The following GFRA1 variants were observed in gnomAD, a reference collection of about 807,000 sequenced individuals.
GFRA1 encodes GDNF family receptor alpha-1.
In GFRA1, 16 loss-of-function variants were observed where a neutral mutation model predicts 51.6. The ratio of observed to expected loss-of-function variants is 0.31; its 90% CI spans 0.21 to 0.47. The LOEUF is 0.47. Among genes scored for constraint, GFRA1 ranks in the 20% least tolerant of loss-of-function variants. The pLI, the probability that GFRA1 is intolerant of heterozygous loss-of-function variation, is 1.00. For synonymous variants in GFRA1, 270 were observed against 241.3 expected (o/e 1.12, Z -1.10); for missense variants, 530 against 594.3 (o/e 0.89, Z 1.13).
chr10:116,194,361 C>G (rs187838220), intron 5 of GFRA1, among the ~76,000 whole-genome samples: 331 of 152,300 alleles, frequency 2.2e-3, no homozygotes, highest in African/African-American at 7.7e-3. Context: ...GACCCCCACC[C>G]TCACCTTGCT....
In GFRA1 at chr10:116,151,021, AC is replaced by A. The variant is rs758294417; in HGVS notation, c.434-25465del. The stretch of plus-strand genomic sequence containing the variant: ...GAGCTGCACTTTTTTTTTTTTCTAA[AC>A]GGGAAAAAGGGTTAAAGAACATCCC... On this transcript the variant is annotated intron_variant, in intron 5 of 10. Coordinates refer to ENST00000355422, the MANE Select transcript of GFRA1 (RefSeq NM_005264.8). Among the ~76,000 whole-genome samples, 151 of 152,038 alleles carry A rather than the reference AC, an allele frequency of 9.9e-4. 1 individual carries two copies. The South Asian group carries it at 0.017, about 17-fold the overall frequency.
At chr10:116,074,948 T>C (rs1397446768) in intron 9 of GFRA1, among the ~76,000 whole-genome samples, 1 of 152,240 alleles carries the variant, frequency 6.6e-6, no homozygotes, top group African/African-American at 2.4e-5. Flanking sequence ...CTCAGAGGTA[T>C]TCTCACAGGT....
Position 116,096,738 on chromosome 10 carries a change from T to C in GFRA1, c.797A>G (p.Asn266Ser), listed in dbSNP as rs1001111418. Residue 266 changes from asparagine to serine, a missense_variant, in exon 7 of 11, where the codon AAC (asparagine) becomes AGC (serine). Transcript: ENST00000355422. ...CRSRLADFFT[N>S]CQPESRSVSS... ...GACAGACCTTGACTCTGGCTGGCAG[T>C]TGGTAAAAAAATCCGCAAGGCGAGA... 3 of 1,612,122 alleles carry C rather than the reference T, an allele frequency of 1.9e-6. No homozygotes were observed. Among genetic ancestry groups the C allele is most frequent in the Admixed American group, 1.7e-5 (1 of 59,948 alleles).
rs540872983 is a variant in GFRA1, at chr10:116,061,374, G to C, written c.*3024C>G. 6.6e-6 allele frequency: 1 copy of C among 151,730 alleles called. No individual in the cohort carries two copies. Among genetic ancestry groups the C allele is most frequent in the East Asian group, 1.9e-4 (1 of 5,152 alleles). The allele number at this position is 151,730 out of a possible 1,614,324, so 9.4% of individuals were successfully genotyped here. ...TTTATTACAGACTTGAAAAAAATCA[G>C]GTATGGAAAAATAAATATGTAATTG... On this transcript the variant is annotated 3_prime_UTR_variant, in exon 11 of 11. Coordinates refer to ENST00000355422, the MANE Select transcript of GFRA1 (RefSeq NM_005264.8).
At chr10:116,084,647 C>T (rs1057112355) in intron 9 of GFRA1, among the ~76,000 whole-genome samples, 8 of 152,126 alleles carry the variant, frequency 5.3e-5, no homozygotes, top group East Asian at 3.9e-4. Flanking sequence ...AATCAGAGGT[C>T]GACAAACACC....
intron 9 of GFRA1, among the ~76,000 whole-genome samples, chr10:116,069,289 G>A (rs759310532): frequency 6.6e-6 from 1 of 152,044 alleles, no homozygotes; most frequent in Non-Finnish European, 1.5e-5. Flanking sequence ...TTTAAGAAAG[G>A]GTGTTTCTTA....
At chr10:116,203,079 C>G (rs957107550) in intron 5 of GFRA1, among the ~76,000 whole-genome samples, 1 of 151,974 alleles carries the variant, frequency 6.6e-6, no homozygotes, top group Non-Finnish European at 1.5e-5. Context: ...TATCAGGGCT[C>G]GAGGAGGTCT....
Position 116,063,343 on chromosome 10 carries a change from T to C in GFRA1, c.*1055A>G, listed in dbSNP as rs993097379. The stretch of plus-strand genomic sequence containing the variant: ...TCTGTTTCCTCCTGCCTGTCCACAG[T>C]CACATGATGCAGAACTTTCTGCTAC... On this transcript the variant is annotated 3_prime_UTR_variant, in exon 11 of 11. Coordinates refer to ENST00000355422, the MANE Select transcript of GFRA1 (RefSeq NM_005264.8). 1 of 152,228 alleles carries C rather than the reference T, an allele frequency of 6.6e-6. No homozygotes were observed. The highest frequency in any genetic ancestry group is 1.5e-5 in the Non-Finnish European group (1 of 68,058). 9.4% of individuals were successfully genotyped at this position (152,228 alleles called of 1,614,324 possible). A position where few individuals can be genotyped will look rare whatever the true frequency, so the allele number is the denominator to read the frequency against.
intron 5 of GFRA1, among the ~76,000 whole-genome samples, chr10:116,205,538 G>A (rs1457549494): frequency 1.3e-5 from 2 of 150,216 alleles, no homozygotes; most frequent in African/African-American, 4.9e-5. Context: ...ACGCACCACT[G>A]CACTCTAGCC....
chr10:116,070,590 A>C (rs1955336342), intron 9 of GFRA1, among the ~76,000 whole-genome samples: 1 of 152,146 alleles, frequency 6.6e-6, no homozygotes, highest in Non-Finnish European at 1.5e-5. Flanking sequence ...TAATAGATAG[A>C]CTCACCTGCT....
chr10:116,114,866 C>T (rs565502809), intron 6 of GFRA1, among the ~76,000 whole-genome samples: 4 of 152,304 alleles, frequency 2.6e-5, no homozygotes, highest in African/African-American at 9.6e-5. Flanking sequence ...GGTACTTGCA[C>T]AAAAATATCT....
chr10:116,193,975 C>T (rs753331878), intron 5 of GFRA1, among the ~76,000 whole-genome samples: 27 of 150,308 alleles, frequency 1.8e-4, no homozygotes, highest in Non-Finnish European at 3.7e-4. Context: ...GGAGGCAGAG[C>T]TTGCAGTGAG....
intron 9 of GFRA1, among the ~76,000 whole-genome samples, chr10:116,088,282 G>A (rs1251664269): frequency 5.7e-5 from 4 of 69,778 alleles, no homozygotes; most frequent in Admixed American, 1.9e-4. Context: ...TTCTAGTGAG[G>A]CTGACCCTTG....
intron 5 of GFRA1, among the ~76,000 whole-genome samples, chr10:116,126,311 T>C (rs888817516): frequency 6.6e-6 from 1 of 152,242 alleles, no homozygotes; most frequent in African/African-American, 2.4e-5. Flanking sequence ...GAGCATATGC[T>C]GCCTTCTGCC....
chr10:116,084,968 C>A (rs960750888), intron 9 of GFRA1, among the ~76,000 whole-genome samples: 1 of 152,166 alleles, frequency 6.6e-6, no homozygotes, highest in Non-Finnish European at 1.5e-5. Context: ...AATAGCACAG[C>A]CTGTGCCATG....
At chr10:116,202,891 C>T (rs1964449629) in intron 5 of GFRA1, among the ~76,000 whole-genome samples, 1 of 152,132 alleles carries the variant, frequency 6.6e-6, no homozygotes, top group South Asian at 2.1e-4. Flanking sequence ...ACCCTGGCTA[C>T]TTTTCTGAGG....
In GFRA1 at chr10:116,230,979, G is replaced by A. The variant is rs190635765; in HGVS notation, c.419-19334C>T. On this transcript the variant is annotated intron_variant, in intron 4 of 10. Coordinates refer to ENST00000355422, the MANE Select transcript of GFRA1 (RefSeq NM_005264.8). The stretch of plus-strand genomic sequence containing the variant: ...AGAATGAGGAGGAATCTGGAAAGGT[G>A]GGTAGGACAGGGCTAGCTTACTGAT... Among the ~76,000 whole-genome samples the A allele has an allele frequency of 7.9e-5, 12 of 152,248 alleles. No homozygotes were observed. In the East Asian group the frequency reaches 2.3e-3, roughly 29 times the overall value.
chr10:116,130,981 A>G (rs1003901703), intron 5 of GFRA1, among the ~76,000 whole-genome samples: 2 of 152,234 alleles, frequency 1.3e-5, no homozygotes, highest in Admixed American at 6.5e-5. Context: ...GAAAATGAAT[A>G]GACAAACCAC....
At chr10:116,222,043 A>AGGG (rs1250117077) in intron 4 of GFRA1, among the ~76,000 whole-genome samples, 1 of 152,138 alleles carries the variant, frequency 6.6e-6, no homozygotes, top group Non-Finnish European at 1.5e-5. Flanking sequence ...GCAAAGATCT[A>AGGG]TGCAGCTGCC....
Sources: allele counts gnomAD v4.1 joint callset (sites outside exome capture counted in the v4.1 genomes callset), GRCh38; gene constraint gnomAD v4.1.1; transcripts MANE v1.5; gene names NCBI Gene and HGNC (gene_info 2026-07-23, HGNC 2026-07-21).